PYM1: variants seen among roughly 807,000 people sequenced by gnomAD.
PYM1 encodes partner of Y14 and mago.
PYM1 carries 7 observed loss-of-function variants against 20.7 expected under a neutral mutation model. That is an observed-to-expected ratio of 0.34 (90% CI 0.19 to 0.64). The LOEUF (loss-of-function observed/expected upper bound fraction) is 0.64. PYM1 is among the 30% of genes least tolerant of loss of function. PYM1 has a pLI of 0.74. For synonymous variants in PYM1, 100 were observed against 99.2 expected (o/e 1.01, Z -0.05); for missense variants, 194 against 250.0 (o/e 0.78, Z 1.51).
At chr12:55,923,874 G>A (rs1883142382) in intron 1 of PYM1, among the ~76,000 whole-genome samples, 1 of 151,984 alleles carries the variant, frequency 6.6e-6, no homozygotes, top group Admixed American at 6.6e-5. Flanking sequence ...TCAGGAGTTC[G>A]AGGCCAACCT....
At chr12:55,915,461 G>C (rs893576104) in intron 1 of PYM1, among the ~76,000 whole-genome samples, 1 of 150,796 alleles carries the variant, frequency 6.6e-6, no homozygotes, top group African/African-American at 2.4e-5. Flanking sequence ...CCAGCTACTC[G>C]GGAGGCTGAG....
rs557712775 is a variant in PYM1 at position 55,906,903 on chromosome 12, C to T, written c.38-3423G>A. Among the ~76,000 whole-genome samples the T allele has an allele frequency of 3.3e-5, 5 of 152,076 alleles. No homozygotes were observed. In the East Asian group the frequency reaches 7.8e-4, roughly 24 times the overall value. The stretch of plus-strand genomic sequence containing the variant: ...CCTCAGGTGATCCACCCGCCTCGGC[C>T]TCCCAAAGTCCTGAGATTACAGGTG... On this transcript the variant is annotated intron_variant, in intron 1 of 2. Coordinates refer to ENST00000408946, the MANE Select transcript of PYM1 (RefSeq NM_032345.3).
chr12:55,927,770 A>G lies in PYM1; in HGVS notation c.-9T>C. On this transcript the variant is annotated 5_prime_UTR_variant, in exon 1 of 3. Transcript: ENST00000408946. ...CTGCCGGCAGCTTCCATGGCCGAAG[A>G]GGCAGCGGACCAGGTTGGGCGGGCG... 6.5e-7 allele frequency: 1 copy of G among 1,538,654 alleles called. No individual in the cohort carries two copies. The highest frequency in any genetic ancestry group is 1.2e-5 in the South Asian group (1 of 83,932).
At chr12:55,927,498 G>C in intron 1 of PYM1, 1 of 688,136 alleles carries the variant, frequency 1.5e-6, no homozygotes, top group Non-Finnish European at 2.5e-6. Context: ...GAATATCCAG[G>C]CTCTGGCCTG....
At chr12:55,905,992 A>ATATATTATTATATATATCT (rs1882809470) in intron 1 of PYM1, among the ~76,000 whole-genome samples, 1 of 122,738 alleles carries the variant, frequency 8.1e-6, no homozygotes, top group Non-Finnish European at 1.6e-5. Context: ...TATATAATAT[A>ATATATTATTATATATATCT]AAATAAATAA....
At chr12:55,909,268 A>G (rs1220293649) in intron 1 of PYM1, among the ~76,000 whole-genome samples, 3 of 152,174 alleles carry the variant, frequency 2.0e-5, no homozygotes, top group Non-Finnish European at 2.9e-5. Flanking sequence ...CAAACTAAAC[A>G]AAAAGGGAGA....
chr12:55,927,520 CAG>C, intron 1 of PYM1: 1 of 699,588 alleles, frequency 1.4e-6, no homozygotes, highest in Non-Finnish European at 2.4e-6. Flanking sequence ...ACCCAGATCT[CAG>C]AGCGGCTTGG....
intron 1 of PYM1, 48 bp downstream of exon 1, chr12:55,927,677 G>A (rs1012490252): frequency 6.5e-7 from 1 of 1,536,654 alleles, no homozygotes; most frequent in Non-Finnish European, 8.7e-7. Flanking sequence ...AACCACCAGA[G>A]ACCCGCGGGA....
At position 55,927,833 on chromosome 12, in the gene PYM1, G is replaced by A. The variant is rs757626441; in HGVS notation, c.-72C>T. 2 of 1,508,948 alleles carry A rather than the reference G, an allele frequency of 1.3e-6. No homozygotes were observed. The highest frequency in any genetic ancestry group is 1.8e-6 in the Non-Finnish European group (2 of 1,130,588). The allele number at this position is 1,508,948 out of a possible 1,614,324, so 93.5% of individuals were successfully genotyped here. A position where few individuals can be genotyped will look rare whatever the true frequency, so the allele number is the denominator to read the frequency against. On this transcript the variant is annotated 5_prime_UTR_variant, in exon 1 of 3. Transcript: ENST00000408946. ...CTCTGCCCCGCTGGGCGGCGCCGGG[G>A]ATTCGGCGGCGAAGTGATGAGGGCC...
At chr12:55,924,359 CT>C (rs1883153251) in intron 1 of PYM1, among the ~76,000 whole-genome samples, 1 of 152,092 alleles carries the variant, frequency 6.6e-6, no homozygotes, top group Non-Finnish European at 1.5e-5. Context: ...TTCGAGAAAT[CT>C]GGGGCCAGGT....
intron 1 of PYM1, among the ~76,000 whole-genome samples, chr12:55,906,982 C>A (rs1447536007): frequency 6.6e-6 from 1 of 151,694 alleles, no homozygotes; most frequent in African/African-American, 2.4e-5. Context: ...TAAAGGGCAA[C>A]ACTTAAAGAC....
At chr12:55,913,931 T>C (rs1882965021) in intron 1 of PYM1, 1 of 178,218 alleles carries the variant, frequency 5.6e-6, no homozygotes, top group Non-Finnish European at 1.2e-5. Context: ...CTTCTTAGAG[T>C]ATACATTCTA....
At chr12:55,926,998 G>T in intron 1 of PYM1, 1 of 1,413,040 alleles carries the variant, frequency 7.1e-7, no homozygotes, top group Non-Finnish European at 9.4e-7. Context: ...GGGATGGGCG[G>T]GGCACAGACC....
At chr12:55,921,596 T>G (rs1160131604) in intron 1 of PYM1, among the ~76,000 whole-genome samples, 1 of 152,050 alleles carries the variant, frequency 6.6e-6, no homozygotes, top group Non-Finnish European at 1.5e-5. Context: ...ACATTACTCT[T>G]TAGTAAAAAG....
chr12:55,903,548 T>C, intron 1 of PYM1, 68 bp from the exon 2 acceptor site: 1 of 1,481,964 alleles, frequency 6.7e-7, no homozygotes. Flanking sequence ...GAGACAAGAA[T>C]GTATAAATGT....
intron 1 of PYM1, among the ~76,000 whole-genome samples, chr12:55,922,066 T>C (rs923127676): frequency 1.3e-5 from 2 of 151,924 alleles, no homozygotes; most frequent in African/African-American, 4.8e-5. Flanking sequence ...TTTTTGTAGA[T>C]AAGAGGTCTT....
intron 1 of PYM1, among the ~76,000 whole-genome samples, chr12:55,911,666 C>T (rs780715311): frequency 2.0e-5 from 3 of 151,780 alleles, no homozygotes; most frequent in Admixed American, 6.6e-5. Flanking sequence ...CATGGTGAAA[C>T]GCTGTCTCTA....
chr12:55,905,045 A>G (rs1882769316), intron 1 of PYM1, among the ~76,000 whole-genome samples: 1 of 151,390 alleles, frequency 6.6e-6, no homozygotes, highest in Middle Eastern at 3.2e-3. Context: ...TCTGTCGCCC[A>G]GGCTGGAGTG....
intron 1 of PYM1, chr12:55,914,512 C>G (rs1286156000): frequency 8.1e-6 from 5 of 618,218 alleles, no homozygotes; most frequent in Non-Finnish European, 1.4e-5. Context: ...AATTCTCAAT[C>G]TATTTCCTTA....
Sources: gnomAD v4.1 joint callset for allele counts (sites outside exome capture counted in the v4.1 genomes callset) on GRCh38, gnomAD v4.1.1 for gene constraint, MANE v1.5 for transcripts, NCBI Gene and HGNC (gene_info 2026-07-23, HGNC 2026-07-21) for gene names.